The following SYT9 variants were observed in gnomAD, a reference collection of about 807,000 sequenced individuals.
SYT9 encodes synaptotagmin 9.
A neutral mutation model predicts 48.4 loss-of-function variants in SYT9; 22 were observed. That is an observed-to-expected ratio of 0.45 (90% CI 0.32 to 0.65). The LOEUF (loss-of-function observed/expected upper bound fraction) is 0.65. Among genes scored for constraint, SYT9 ranks in the 30% least tolerant of loss-of-function variants. The pLI, the probability that SYT9 is intolerant of heterozygous loss-of-function variation, is 0.03. For missense variants in SYT9, 577 were observed against 622.0 expected, an observed-to-expected ratio of 0.93 and a Z score of 0.77; for synonymous variants, 265 against 245.0, an observed-to-expected ratio of 1.08 and a Z score of -0.76.
chr11:7,455,560 G>A (rs528809355), intron 6 of SYT9, among the ~76,000 whole-genome samples: 4 of 151,280 alleles, frequency 2.6e-5, no homozygotes, highest in East Asian at 1.9e-4. Flanking sequence ...GGCTGGTCCT[G>A]TACTCCTGGA....
At chr11:7,432,547 CAA>C (rs67650978) in intron 6 of SYT9, among the ~76,000 whole-genome samples, 16 of 16,924 alleles carry the variant, frequency 9.5e-4, no homozygotes, top group Admixed American at 1.7e-3. Flanking sequence ...GACTCCATCT[CAA>C]AAAAAAAAAA....
chr11:7,385,038 A>G (rs1850631511), intron 3 of SYT9, among the ~76,000 whole-genome samples: 2 of 151,454 alleles, frequency 1.3e-5, no homozygotes, highest in Admixed American at 1.3e-4. Context: ...ATATTATTTA[A>G]CTCCCCACTA....
chr11:7,364,483 A>G (rs1850204721), intron 3 of SYT9, among the ~76,000 whole-genome samples: 1 of 152,224 alleles, frequency 6.6e-6, no homozygotes, highest in Non-Finnish European at 1.5e-5. Flanking sequence ...TCTATAGATA[A>G]AGAAACAAAT....
chr11:7,441,942 C>G (rs1207600393), intron 6 of SYT9, among the ~76,000 whole-genome samples: 1 of 152,064 alleles, frequency 6.6e-6, no homozygotes, highest in Non-Finnish European at 1.5e-5. Context: ...CCAGCTATGA[C>G]TCTCCCCCAC....
chr11:7,285,128 G>A (rs1040635987), intron 1 of SYT9, among the ~76,000 whole-genome samples: 1 of 152,148 alleles, frequency 6.6e-6, no homozygotes, highest in African/African-American at 2.4e-5. Context: ...AGGAATTTGG[G>A]AGCTAAAGAT....
intron 3 of SYT9, among the ~76,000 whole-genome samples, chr11:7,346,926 G>T (rs1849810913): frequency 6.6e-6 from 1 of 152,178 alleles, no homozygotes; most frequent in Non-Finnish European, 1.5e-5. Context: ...TATTTTGCCT[G>T]CTTCTTTGCT....
chr11:7,257,526 A>G (rs191361530), intron 1 of SYT9, among the ~76,000 whole-genome samples: 2 of 152,274 alleles, frequency 1.3e-5, no homozygotes, highest in East Asian at 3.9e-4. Flanking sequence ...ATAATTAAAT[A>G]TAGTTTCTAT....
At chr11:7,291,869 C>A (rs1266078399) in intron 1 of SYT9, among the ~76,000 whole-genome samples, 2 of 152,094 alleles carry the variant, frequency 1.3e-5, no homozygotes, top group African/African-American at 4.8e-5. Context: ...TCCAGCTATA[C>A]CTGAGGAAGG....
At chr11:7,428,521 C>T (rs1256328992) in intron 6 of SYT9, among the ~76,000 whole-genome samples, 2 of 152,330 alleles carry the variant, frequency 1.3e-5, no homozygotes, top group South Asian at 2.1e-4. Flanking sequence ...ACTGTTCCCT[C>T]CTGGGGAATG....
At chr11:7,424,781 C>T (rs1847422810) in intron 6 of SYT9, among the ~76,000 whole-genome samples, 2 of 152,222 alleles carry the variant, frequency 1.3e-5, no homozygotes, top group Non-Finnish European at 1.5e-5. Flanking sequence ...ATGTCTGCCT[C>T]ACTCCAAGCT....
intron 6 of SYT9, chr11:7,427,835 TCTA>T (rs1222459454): frequency 6.6e-6 from 1 of 152,206 alleles, no homozygotes; most frequent in Non-Finnish European, 1.5e-5. Flanking sequence ...AACATAAAAA[TCTA>T]CTACAAGTTT....
intron 2 of SYT9, among the ~76,000 whole-genome samples, chr11:7,310,977 A>G (rs1282261825): frequency 6.6e-6 from 1 of 152,204 alleles, no homozygotes; most frequent in Non-Finnish European, 1.5e-5. Flanking sequence ...CACACTACTA[A>G]GTAGCCAAAT....
intron 3 of SYT9, among the ~76,000 whole-genome samples, chr11:7,328,076 A>G (rs1438553235): frequency 1.4e-5 from 1 of 72,426 alleles, no homozygotes; most frequent in Non-Finnish European, 2.9e-5. Flanking sequence ...GTATAATTAA[A>G]AATAATAATA....
chr11:7,407,113 A>G (rs1450317355), intron 3 of SYT9, among the ~76,000 whole-genome samples: 5 of 152,088 alleles, frequency 3.3e-5, no homozygotes, highest in African/African-American at 9.7e-5. Context: ...CCCTCATAGG[A>G]TGAGTAGTTT....
chr11:7,433,727 C>A (rs1217344528), intron 6 of SYT9, among the ~76,000 whole-genome samples: 1 of 152,182 alleles, frequency 6.6e-6, no homozygotes, highest in Non-Finnish European at 1.5e-5. Flanking sequence ...AATGATGGCC[C>A]CATCCATGAG....
intron 1 of SYT9, among the ~76,000 whole-genome samples, chr11:7,294,114 C>T (rs1848745553): frequency 6.6e-6 from 1 of 152,130 alleles, no homozygotes; most frequent in Non-Finnish European, 1.5e-5. Flanking sequence ...TGAGGGAACT[C>T]TCTTAAGTCT....
chr11:7,239,748 G>A (rs986803109), intron 1 of SYT9, among the ~76,000 whole-genome samples: 10 of 152,150 alleles, frequency 6.6e-5, no homozygotes, highest in Non-Finnish European at 1.2e-4. Flanking sequence ...AACAAGATTT[G>A]CTGGTGGATT....
intron 6 of SYT9, among the ~76,000 whole-genome samples, chr11:7,430,590 A>C (rs1389021458): frequency 6.6e-6 from 1 of 152,166 alleles, no homozygotes; most frequent in East Asian, 1.9e-4. Flanking sequence ...TCCCTGCCCA[A>C]ACCTCATGTT....
At chr11:7,305,296 G>C (rs544105037) in intron 2 of SYT9, among the ~76,000 whole-genome samples, 1 of 152,254 alleles carries the variant, frequency 6.6e-6, no homozygotes, top group African/African-American at 2.4e-5. Context: ...ACTACTATAA[G>C]AAAACTACTC....
Sources: gnomAD v4.1 joint callset for allele counts (sites outside exome capture counted in the v4.1 genomes callset) on GRCh38, gnomAD v4.1.1 for gene constraint, MANE v1.5 for transcripts, NCBI Gene and HGNC (gene_info 2026-07-23, HGNC 2026-07-21) for gene names.